STAB2: variants seen among roughly 807,000 people sequenced by gnomAD.
The protein encoded by STAB2 is stabilin 2.
STAB2 carries 288 observed loss-of-function variants against 338.1 expected under a neutral mutation model. The observed-to-expected ratio is 0.85, with a 90% CI of 0.77 to 0.94. The LOEUF is 0.94. STAB2 is among the 40% of genes least tolerant of loss of function. The pLI, the probability that STAB2 is intolerant of heterozygous loss-of-function variation, is 0.00. For synonymous variants in STAB2, 1,202 were observed against 1,193.3 expected (o/e 1.01, Z -0.15); for missense variants, 3,141 against 3,210.1 (o/e 0.98, Z 0.52).
intron 59 of STAB2, 124 bp from the exon 60 acceptor site, chr12:103,750,455 G>A: frequency 1.6e-6 from 2 of 1,254,014 alleles, no homozygotes; most frequent in Non-Finnish European, 2.2e-6. Flanking sequence ...CACTGGACAG[G>A]AAAGGCACGT....
chr12:103,641,505 A>G lies in STAB2; in HGVS notation c.1040+1249A>G, dbSNP rs1169690223. On this transcript the variant is annotated intron_variant, in intron 9 of 68. Coordinates refer to ENST00000388887, the MANE Select transcript of STAB2 (RefSeq NM_017564.10). ...TTCAATACATGTGAATGCACACACA[A>G]ATACACCACAGCCATGCATATAGGC... Among the ~76,000 whole-genome samples, 4 of 152,182 alleles carry G rather than the reference A, an allele frequency of 2.6e-5. No individual in the cohort carries two copies. The East Asian group carries it at 7.7e-4, about 29-fold the overall frequency.
chr12:103,607,459 C>T (rs542514326), intron 3 of STAB2, among the ~76,000 whole-genome samples: 8 of 144,030 alleles, frequency 5.6e-5, no homozygotes, highest in East Asian at 2.3e-4. Flanking sequence ...CATATGTATA[C>T]GTGTGCCATG....
intron 21 of STAB2, 41 bp from the exon 22 acceptor site, chr12:103,670,655 T>A (rs574734316): frequency 6.7e-7 from 1 of 1,495,626 alleles, no homozygotes; most frequent in African/African-American, 1.4e-5. Flanking sequence ...ACCTGAGAAC[T>A]ATGTGTCCTA....
intron 5 of STAB2, among the ~76,000 whole-genome samples, chr12:103,630,582 T>G (rs375221311): frequency 3.3e-5 from 5 of 152,176 alleles, no homozygotes; most frequent in South Asian, 2.1e-4. Context: ...AGGGAGAGTA[T>G]CCTGGATTAT....
Position 103,748,976 on chromosome 12 carries a change from C to G in STAB2, c.6258C>G (p.Cys2086Trp), listed in dbSNP as rs766987706. The G allele has an allele frequency of 2.6e-5, 42 of 1,612,860 alleles. No homozygotes were observed. The highest frequency in any genetic ancestry group is 3.1e-5 in the Non-Finnish European group (37 of 1,179,404). Residue 2086 changes from cysteine (C) to tryptophan (W), a missense_variant, in exon 59 of 69, where the codon TGC becomes TGG. Coordinates refer to ENST00000388887, the MANE Select transcript of STAB2 (RefSeq NM_017564.10). ...CTGCTCTTGCAGTTGTGGATTTCTG[C>G]AAACAGGACAACGGGGGCTGTGCAA... Reference protein sequence around the residue: ...DGITCTVVDFCKQDNGGCAKV... With the variant: ...DGITCTVVDFWKQDNGGCAKV...
intron 25 of STAB2, among the ~76,000 whole-genome samples, chr12:103,681,911 G>A (rs996703849): frequency 6.6e-6 from 1 of 151,938 alleles, no homozygotes; most frequent in African/African-American, 2.4e-5. Flanking sequence ...AAGGATACTG[G>A]TCTTACTGGA....
chr12:103,646,233 C>G (rs1389715475), intron 9 of STAB2, among the ~76,000 whole-genome samples: 1 of 152,344 alleles, frequency 6.6e-6, no homozygotes, highest in Non-Finnish European at 1.5e-5. Flanking sequence ...ATATTACTTT[C>G]TCCTAGAAGC....
chr12:103,662,842 C>G lies in STAB2; in HGVS notation c.1870-4C>G. The G allele has an allele frequency of 6.2e-7, 1 of 1,611,650 alleles. No individual in the cohort carries two copies. The highest frequency in any genetic ancestry group is 8.5e-7 in the Non-Finnish European group (1 of 1,179,244). On this transcript the variant is annotated splice_region_variant and splice_polypyrimidine_tract_variant and intron_variant, in intron 17 of 68. Transcript: ENST00000388887. Reference sequence around the variant, plus strand: ...GAATTAGAGATGTCATTTTTTCTTTCCAGGGACAGATTCTGGCAAATGATG... The same window carrying G: ...GAATTAGAGATGTCATTTTTTCTTTGCAGGGACAGATTCTGGCAAATGATG...
At position 103,640,892 on chromosome 12, in the gene STAB2, C is replaced by A. The variant is rs543703427; in HGVS notation, c.1040+636C>A. On this transcript the variant is annotated intron_variant, in intron 9 of 68. Coordinates refer to ENST00000388887, the MANE Select transcript of STAB2 (RefSeq NM_017564.10). ...AGTTGCTCCATGTGTAAAAGGAGCA[C>A]AATGATTTATACTTCATAAGGTTGT... Among the ~76,000 whole-genome samples the A allele has an allele frequency of 6.0e-4, 92 of 152,198 alleles. 2 individuals carry two copies. In the South Asian group the frequency reaches 0.016, roughly 27 times the overall value.
chr12:103,733,319 C>A, intron 51 of STAB2, 137 bp downstream of exon 51: 1 of 1,009,760 alleles, frequency 9.9e-7, no homozygotes, highest in Non-Finnish European at 1.5e-6. Flanking sequence ...GCATCCCCTG[C>A]CCCACTGTGT....
rs549231458 is a variant in STAB2 at position 103,694,835 on chromosome 12, T to C, written c.3376-715T>C. The stretch of plus-strand genomic sequence containing the variant: ...GTGATCTTGGCCAGAAGGTTAATTA[T>C]GCAGAGCTTGCAAACTCAAATGCCC... On this transcript the variant is annotated intron_variant, in intron 31 of 68. Transcript: ENST00000388887. 5.3e-5 allele frequency among the ~76,000 whole-genome samples: 8 copies of C among 152,238 alleles called. 1 individual carries two copies. Among genetic ancestry groups the C allele is most frequent in the African/African-American group, 1.9e-4 (8 of 41,546 alleles).
chr12:103,731,226 A>T (rs556963738), intron 49 of STAB2, among the ~76,000 whole-genome samples: 2 of 152,130 alleles, frequency 1.3e-5, no homozygotes, highest in African/African-American at 2.4e-5. Context: ...TGGGCTATAG[A>T]TGTCCCCATT....
At chr12:103,764,549 C>T (rs541546958) in intron 68 of STAB2, among the ~76,000 whole-genome samples, 9 of 151,914 alleles carry the variant, frequency 5.9e-5, no homozygotes, top group Non-Finnish European at 8.8e-5. Flanking sequence ...TACCAGTTCT[C>T]GACTGAAAAA....
intron 58 of STAB2, among the ~76,000 whole-genome samples, chr12:103,748,116 A>ATATATACT (rs1385984398): frequency 6.6e-5 from 10 of 152,166 alleles, no homozygotes; most frequent in African/African-American, 2.4e-4. Flanking sequence ...ATTCACAGAG[A>ATATATACT]TATATACTTT....
chr12:103,639,020 A>G lies in STAB2; in HGVS notation c.906+808A>G, dbSNP rs551395974. Among the ~76,000 whole-genome samples the G allele has an allele frequency of 2.9e-4, 44 of 152,320 alleles. 1 individual carries two copies. The highest frequency in any genetic ancestry group is 1.1e-3 in the African/African-American group (44 of 41,584). ...CCACCCAACCTTGCCTCCAAAGAGA[A>G]AGGATATATTATGCAACATTTTTCT... On this transcript the variant is annotated intron_variant, in intron 8 of 68. Transcript: ENST00000388887.
At position 103,740,613 on chromosome 12, in the gene STAB2, C is replaced by T. The variant is rs1211107184; in HGVS notation, c.5755-17C>T. On this transcript the variant is annotated splice_polypyrimidine_tract_variant and intron_variant, in intron 54 of 68. Transcript: ENST00000388887. ...CTGCAGTGGTAAGTGAAGGGATGGT[C>T]CACTCTCTTCCCTTAGGGTGTGAAG... 3.7e-6 allele frequency: 6 copies of T among 1,610,090 alleles called. No individual in the cohort carries two copies. Among genetic ancestry groups the T allele is most frequent in the South Asian group, 3.3e-5 (3 of 90,172 alleles).
Position 103,733,062 on chromosome 12 carries a change from C to A in STAB2, c.5340C>A (p.Phe1780Leu). The change falls in exon 51 of 69, where the codon TTC becomes TTA. Residue 1780 changes from phenylalanine (F) to leucine (L), a missense_variant. By Grantham distance (22) the Phe-to-Leu change is conservative (BLOSUM62 0). Coordinates refer to ENST00000388887, the MANE Select transcript of STAB2 (RefSeq NM_017564.10). ...TDPIHTPVTL[F>L]WPTDQALHAL... The stretch of plus-strand genomic sequence containing the variant: ...CCATCCACACCCCAGTCACTCTCTT[C>A]TGGCCCACCGACCAAGCCCTCCATG... 1 of 1,614,168 alleles carries A rather than the reference C, an allele frequency of 6.2e-7. No homozygotes were observed. The highest frequency in any genetic ancestry group is 1.3e-5 in the African/African-American group (1 of 75,046).
intron 3 of STAB2, among the ~76,000 whole-genome samples, chr12:103,595,639 G>T (rs974633412): frequency 4.6e-5 from 7 of 152,240 alleles, no homozygotes; most frequent in Admixed American, 3.9e-4. Context: ...GTACCAGAGA[G>T]GTACTCAGCT....
chr12:103,678,678 C>G (rs1158451117), intron 25 of STAB2, among the ~76,000 whole-genome samples: 1 of 152,138 alleles, frequency 6.6e-6, no homozygotes, highest in Non-Finnish European at 1.5e-5. Context: ...AGGCACCCAC[C>G]ACCACGCCTG....
Sources: gnomAD v4.1 joint callset for allele counts (sites outside exome capture counted in the v4.1 genomes callset) on GRCh38, gnomAD v4.1.1 for gene constraint, MANE v1.5 for transcripts, NCBI Gene and HGNC (gene_info 2026-07-23, HGNC 2026-07-21) for gene names.